The following LYPLAL1 variants were observed in gnomAD, a reference collection of about 807,000 sequenced individuals.
The protein encoded by LYPLAL1 is lysophospholipase like 1.
In LYPLAL1, 23 loss-of-function variants were observed where a neutral mutation model predicts 19.7. That is an observed-to-expected ratio of 1.17 (90% CI 0.84 to 1.65). The LOEUF is 1.65. LYPLAL1 is among the 40% of genes most tolerant of loss of function. The pLI, the probability that LYPLAL1 is intolerant of heterozygous loss-of-function variation, is 0.00. For synonymous variants in LYPLAL1, 119 were observed against 96.3 expected (o/e 1.24, Z -1.38); for missense variants, 355 against 279.4 (o/e 1.27, Z -1.93).
At chr1:219,268,347 G>A in the LYPLAL1 span, among the ~76,000 whole-genome samples, 2 of 152,176 alleles carry the variant, frequency 1.3e-5, no homozygotes, top group African/African-American at 2.4e-5. Context: ...TGTGCCATGC[G>A]CTTGCCTGGG....
chr1:219,238,082 G>A, the LYPLAL1 span, among the ~76,000 whole-genome samples: 6 of 150,692 alleles, frequency 4.0e-5, no homozygotes, highest in Admixed American at 2.6e-4. Flanking sequence ...CAACTGAGCA[G>A]TGCAAGCAAG....
At chr1:219,429,495 A>G in the LYPLAL1 span, among the ~76,000 whole-genome samples, 8 of 152,032 alleles carry the variant, frequency 5.3e-5, no homozygotes, top group South Asian at 1.7e-3. Flanking sequence ...CTGTCTCTAC[A>G]AAAAATTTAA....
the LYPLAL1 span, among the ~76,000 whole-genome samples, chr1:219,263,030 C>T: frequency 6.6e-6 from 1 of 152,120 alleles, no homozygotes; most frequent in Non-Finnish European, 1.5e-5. Context: ...TATAAGCTTG[C>T]CCTAAGTTGG....
At chr1:219,185,447 A>G (rs1218425091) in intron 2 of LYPLAL1, among the ~76,000 whole-genome samples, 1 of 151,714 alleles carries the variant, frequency 6.6e-6, no homozygotes, top group Admixed American at 6.6e-5. Context: ...ATTTCTCACT[A>G]ATCATTACTG....
In LYPLAL1 at chr1:219,205,510, T is replaced by G. The variant is rs78389703; in HGVS notation, c.362-5022T>G. ...AGATACATTGAACATGTAGAGTTAG[T>G]TTAACTGTAAAAATGAAATTTAAGA... On this transcript the variant is annotated intron_variant, in intron 3 of 4. Coordinates refer to ENST00000366928, the MANE Select transcript of LYPLAL1 (RefSeq NM_138794.5). Among the ~76,000 whole-genome samples, 727 of 152,266 alleles carry G rather than the reference T, an allele frequency of 4.8e-3. 5 individuals are homozygous for G. The highest frequency in any genetic ancestry group is 0.023 in the South Asian group (113 of 4,830).
the LYPLAL1 span, among the ~76,000 whole-genome samples, chr1:219,301,519 A>G: frequency 6.6e-6 from 1 of 152,200 alleles, no homozygotes; most frequent in African/African-American, 2.4e-5. Context: ...TTTTATTGTA[A>G]AATATTTTTC....
chr1:219,342,554 T>C, the LYPLAL1 span, among the ~76,000 whole-genome samples: 58 of 152,148 alleles, frequency 3.8e-4, no homozygotes, highest in East Asian at 0.01. Flanking sequence ...GCAGACTCCA[T>C]GAAACTGGCA....
the LYPLAL1 span, among the ~76,000 whole-genome samples, chr1:219,230,693 A>G: frequency 6.6e-6 from 1 of 152,350 alleles, no homozygotes; most frequent in Non-Finnish European, 1.5e-5. Flanking sequence ...ACCCTATTCT[A>G]TTAACTCAGT....
At chr1:219,226,668 A>T in the LYPLAL1 span, among the ~76,000 whole-genome samples, 1 of 152,170 alleles carries the variant, frequency 6.6e-6, no homozygotes, top group Non-Finnish European at 1.5e-5. Flanking sequence ...TCTAACATGC[A>T]TGCTGTGGTA....
At chr1:219,274,456 G>C in the LYPLAL1 span, among the ~76,000 whole-genome samples, 1 of 152,120 alleles carries the variant, frequency 6.6e-6, no homozygotes, top group South Asian at 2.1e-4. Flanking sequence ...TACAATATCA[G>C]CTCACAGCAA....
chr1:219,250,203 A>G, the LYPLAL1 span, among the ~76,000 whole-genome samples: 46 of 152,084 alleles, frequency 3.0e-4, no homozygotes, highest in African/African-American at 1.1e-3. Context: ...TATATGGTAT[A>G]GAAGGAATCA....
chr1:219,361,244 G>A, the LYPLAL1 span, among the ~76,000 whole-genome samples: 1 of 152,166 alleles, frequency 6.6e-6, no homozygotes, highest in African/African-American at 2.4e-5. Flanking sequence ...TATGCCCTAT[G>A]TTCTTTTACC....
intron 1 of LYPLAL1, among the ~76,000 whole-genome samples, chr1:219,174,672 A>G (rs1042560399): frequency 6.6e-6 from 1 of 152,088 alleles, no homozygotes. Flanking sequence ...ATCTGTAATC[A>G]CTTTTGTCTG....
the LYPLAL1 span, among the ~76,000 whole-genome samples, chr1:219,383,643 G>T: frequency 6.6e-6 from 1 of 152,076 alleles, no homozygotes; most frequent in Non-Finnish European, 1.5e-5. Context: ...ACAAATACAA[G>T]AACCCATGCA....
the LYPLAL1 span, among the ~76,000 whole-genome samples, chr1:219,275,253 C>T: frequency 6.6e-6 from 1 of 152,176 alleles, no homozygotes; most frequent in Non-Finnish European, 1.5e-5. Flanking sequence ...GCCCCAGTGT[C>T]TGTAACAACT....
At chr1:219,369,628 T>C in the LYPLAL1 span, among the ~76,000 whole-genome samples, 1 of 152,214 alleles carries the variant, frequency 6.6e-6, no homozygotes, top group African/African-American at 2.4e-5. Flanking sequence ...AAGGCCAGTA[T>C]ACAGTACAAA....
At chr1:219,390,965 A>T in the LYPLAL1 span, among the ~76,000 whole-genome samples, 1 of 152,172 alleles carries the variant, frequency 6.6e-6, no homozygotes, top group East Asian at 1.9e-4. Flanking sequence ...TTGTAACAAG[A>T]ATGGGATGAC....
intron 1 of LYPLAL1, among the ~76,000 whole-genome samples, chr1:219,176,417 C>T (rs1558216438): frequency 6.6e-6 from 1 of 152,164 alleles, no homozygotes; most frequent in Non-Finnish European, 1.5e-5. Context: ...TGGTAAGGCT[C>T]AGCAAGTTGA....
chr1:219,243,659 C>G, the LYPLAL1 span, among the ~76,000 whole-genome samples: 1 of 152,034 alleles, frequency 6.6e-6, no homozygotes, highest in Non-Finnish European at 1.5e-5. Flanking sequence ...GTGGCTCATG[C>G]CTGTAATCCC....
Sources: allele counts gnomAD v4.1 joint callset (sites outside exome capture counted in the v4.1 genomes callset), GRCh38; gene constraint gnomAD v4.1.1; transcripts MANE v1.5; gene names NCBI Gene and HGNC (gene_info 2026-07-23, HGNC 2026-07-21).